NAA20: variants seen among roughly 807,000 people sequenced by gnomAD.
NAA20 encodes the protein N-alpha-acetyltransferase 20, NatB catalytic subunit.
NAA20 carries 24 observed loss-of-function variants against 23.8 expected under a neutral mutation model. That is an observed-to-expected ratio of 1.01 (90% CI 0.73 to 1.42). The LOEUF (loss-of-function observed/expected upper bound fraction) is 1.42, where lower values mean the gene tolerates loss of function less well. NAA20 is among the 40% of genes most tolerant of loss of function. The pLI is 0.00. For synonymous variants in NAA20, 83 were observed against 77.7 expected (o/e 1.07, Z -0.36); for missense variants, 166 against 223.1 (o/e 0.74, Z 1.63).
At chr20:20,027,746 A>T (rs1297213268) in intron 4 of NAA20, among the ~76,000 whole-genome samples, 1 of 147,774 alleles carries the variant, frequency 6.8e-6, no homozygotes, top group African/African-American at 2.6e-5. Flanking sequence ...AACTGCCAGC[A>T]TGGCATTTTT....
At chr20:20,028,571 T>G (rs933748810) in intron 4 of NAA20, among the ~76,000 whole-genome samples, 4 of 152,190 alleles carry the variant, frequency 2.6e-5, no homozygotes, top group African/African-American at 9.7e-5. Flanking sequence ...TCCCTCTGAG[T>G]AGAAGACCAC....
At chr20:20,028,490 A>G (rs981976765) in intron 4 of NAA20, among the ~76,000 whole-genome samples, 6 of 152,152 alleles carry the variant, frequency 3.9e-5, no homozygotes, top group African/African-American at 7.2e-5. Context: ...GTATAATAAT[A>G]ATAAAAAAAA....
chr20:20,027,656 T>C (rs1329613224), intron 4 of NAA20, among the ~76,000 whole-genome samples: 1 of 152,200 alleles, frequency 6.6e-6, no homozygotes, highest in African/African-American at 2.4e-5. Context: ...GGTTTTGCTG[T>C]TTTCCCTGAA....
At chr20:20,017,307 C>G (rs2043237354), upstream of NAA20, 1 of 1,557,830 alleles carries the variant, frequency 6.4e-7, no homozygotes, top group Non-Finnish European at 8.7e-7. Context: ...CCCCGTCTCG[C>G]TCGGTTCCGC....
chr20:20,031,148 A>G (rs2043340796), intron 4 of NAA20, among the ~76,000 whole-genome samples: 2 of 152,208 alleles, frequency 1.3e-5, no homozygotes, highest in Admixed American at 1.3e-4. Flanking sequence ...AGAGCAAAAA[A>G]GAGACAAGAT....
intron 4 of NAA20, among the ~76,000 whole-genome samples, chr20:20,029,890 T>TGTTTC (rs1366700232): frequency 6.9e-6 from 1 of 144,728 alleles, no homozygotes; most frequent in African/African-American, 2.9e-5. Flanking sequence ...TTTTTTGTTT[T>TGTTTC]GTTTTGTTTT....
chr20:20,017,587 C>T, intron 1 of NAA20, 138 bp downstream of exon 1: 2 of 1,334,616 alleles, frequency 1.5e-6, no homozygotes, highest in South Asian at 3.2e-5. Flanking sequence ...CCCCGCCGGC[C>T]AACGTGGGCG....
chr20:20,022,449 C>A lies in NAA20; in HGVS notation c.54-7C>A. The A allele has an allele frequency of 6.3e-7, 1 of 1,585,582 alleles. No individual in the cohort carries two copies. ...CTTACTAGAGACATTTCTCTTGTTT[C>A]TTTCAGTAACTTGGATCCACTTACA... On this transcript the variant is annotated splice_polypyrimidine_tract_variant and splice_region_variant and intron_variant, in intron 1 of 5. Coordinates refer to ENST00000334982, the MANE Select transcript of NAA20 (RefSeq NM_016100.5).
rs1261543479 is a variant in NAA20, at chr20:20,017,420, C to G, written c.24C>G (p.Thr8=). Residue 8 remains threonine, a synonymous_variant, in exon 1 of 6, where the codon ACC becomes ACG. Coordinates refer to ENST00000334982, the MANE Select transcript of NAA20 (RefSeq NM_016100.5). The stretch of plus-strand genomic sequence containing the variant: ...CGATGACCACGCTACGGGCCTTTAC[C>G]TGCGACGACCTGTTCCGCTTCAACA... The part of the protein sequence containing the change: MTTLRAF[T]CDDLFRFNNI... 1.7e-5 allele frequency: 27 copies of G among 1,611,894 alleles called. No homozygotes were observed. The highest frequency in any genetic ancestry group is 2.2e-5 in the Non-Finnish European group (26 of 1,179,458).
At chr20:20,020,029 C>T (rs755477509) in intron 1 of NAA20, among the ~76,000 whole-genome samples, 5 of 152,140 alleles carry the variant, frequency 3.3e-5, no homozygotes, top group Non-Finnish European at 7.3e-5. Flanking sequence ...ATATTTTATT[C>T]TTGGAAAAAT....
rs1365314686 is a variant in NAA20 at position 20,025,768 on chromosome 20, G to T, written c.169+1G>T. The T allele has an allele frequency of 6.4e-7, 1 of 1,573,532 alleles. No homozygotes were observed. The highest frequency in any genetic ancestry group is 1.4e-5 in the African/African-American group (1 of 73,986). On this transcript the variant is annotated splice_donor_variant, in intron 3 of 5. Coordinates refer to ENST00000334982, the MANE Select transcript of NAA20 (RefSeq NM_016100.5). LOFTEE classifies it high-confidence loss of function. ...CCTGGTGGAGAATTAATGGGTTATA[G>T]TAAGTATAATACCACTAGTATTTTG...
chr20:20,026,985 G>C, intron 4 of NAA20, 66 bp downstream of exon 4: 1 of 1,595,922 alleles, frequency 6.3e-7, no homozygotes, highest in Non-Finnish European at 8.6e-7. Flanking sequence ...TTCCCCTTCA[G>C]GCTGAATAAC....
chr20:20,033,266 T>G lies in NAA20; in HGVS notation c.*79T>G. ...TTTTCATTGGATGATTCTGGAGCTC[T>G]ATTAGGAGAAAAGTAATCATTTTAG... On this transcript the variant is annotated 3_prime_UTR_variant, in exon 6 of 6. Transcript: ENST00000334982. 39 of 1,153,592 alleles carry G rather than the reference T, an allele frequency of 3.4e-5. No homozygotes were observed. Among genetic ancestry groups the G allele is most frequent in the Non-Finnish European group, 4.6e-5 (36 of 791,140 alleles). 71.5% of individuals were successfully genotyped at this position (1,153,592 alleles called of 1,614,324 possible). A position where few individuals can be genotyped will look rare whatever the true frequency, so the allele number is the denominator to read the frequency against.
At chr20:20,017,598 C>T (rs868600623) in intron 1 of NAA20, 149 bp downstream of exon 1, 4 of 1,312,302 alleles carry the variant, frequency 3.0e-6, no homozygotes, top group Middle Eastern at 2.7e-4. Context: ...AACGTGGGCG[C>T]CTCCCTGGGG....
chr20:20,028,089 G>A (rs1161250723), intron 4 of NAA20, among the ~76,000 whole-genome samples: 1 of 152,204 alleles, frequency 6.6e-6, no homozygotes, highest in Non-Finnish European at 1.5e-5. Flanking sequence ...AACTCATTCA[G>A]AGAAGAAATT....
chr20:20,023,042 T>C (rs2043281670), intron 2 of NAA20, among the ~76,000 whole-genome samples: 1 of 152,016 alleles, frequency 6.6e-6, no homozygotes, highest in South Asian at 2.1e-4. Flanking sequence ...TCCCAGCACT[T>C]TGGGGGGCCA....
At chr20:20,027,591 C>T (rs1251401157) in intron 4 of NAA20, among the ~76,000 whole-genome samples, 3 of 152,056 alleles carry the variant, frequency 2.0e-5, no homozygotes, top group Non-Finnish European at 4.4e-5. Context: ...GTAGCATGAT[C>T]TTACGTTGAA....
At chr20:20,021,920 A>C (rs1178866797) in intron 1 of NAA20, among the ~76,000 whole-genome samples, 1 of 152,164 alleles carries the variant, frequency 6.6e-6, no homozygotes, top group Non-Finnish European at 1.5e-5. Context: ...ATCCACTAAG[A>C]ACACGTGATT....
intron 4 of NAA20, among the ~76,000 whole-genome samples, chr20:20,031,354 A>T (rs1360899684): frequency 1.3e-5 from 2 of 152,216 alleles, no homozygotes; most frequent in African/African-American, 4.8e-5. Context: ...CTTTTCAGTA[A>T]AGGTGGTTGG....
Sources: gnomAD v4.1 joint callset for allele counts (sites outside exome capture counted in the v4.1 genomes callset) on GRCh38, gnomAD v4.1.1 for gene constraint, MANE v1.5 for transcripts, NCBI Gene and HGNC (gene_info 2026-07-23, HGNC 2026-07-21) for gene names.